Variants in DPYSL2 observed in about 807,000 individuals in gnomAD.
DPYSL2 encodes dihydropyrimidinase-related protein 2.
Under a neutral mutation model 69.9 loss-of-function variants are expected in DPYSL2, and 13 were observed. That is an observed-to-expected ratio of 0.19 (90% CI 0.12 to 0.30). The LOEUF (loss-of-function observed/expected upper bound fraction) is 0.30. DPYSL2 is among the 10% of genes least tolerant of loss of function. The probability of loss-of-function intolerance (pLI) is 1.00; values close to 1 mark genes in which losing one functional copy is unlikely to be tolerated. For missense variants in DPYSL2, 587 were observed against 918.9 expected (o/e 0.64, Z 4.67); for synonymous variants, 326 against 359.1 (o/e 0.91, Z 1.04).
chr8:26,594,271 C>T (rs1801809108), intron 3 of DPYSL2, among the ~76,000 whole-genome samples: 1 of 152,104 alleles, frequency 6.6e-6, no homozygotes, highest in Non-Finnish European at 1.5e-5. Flanking sequence ...ACCTTTGGAA[C>T]AAGTGTGAAA....
At chr8:26,515,200 A>G (rs1808258733) in intron 1 of DPYSL2, among the ~76,000 whole-genome samples, 2 of 152,220 alleles carry the variant, frequency 1.3e-5, no homozygotes, top group South Asian at 4.1e-4. Flanking sequence ...CTCCGAGGCC[A>G]GGACCATGGT....
rs1438916175 is a variant in DPYSL2 at position 26,632,506 on chromosome 8, TC to T, written c.1006-2271del. ...ACAGATGTCCTGACACTGCTCTGTGTCCCTGGACAGGTCATTTCCCTTTCTG... is the reference window on the plus strand; with the variant it reads ...ACAGATGTCCTGACACTGCTCTGTGTCCTGGACAGGTCATTTCCCTTTCTG... On this transcript the variant is annotated intron_variant, in intron 7 of 13. Coordinates refer to ENST00000521913, the MANE Select transcript of DPYSL2 (RefSeq NM_001197293.3). Among the ~76,000 whole-genome samples, 14 of 152,302 alleles carry T rather than the reference TC, an allele frequency of 9.2e-5. 1 individual carries two copies. In the South Asian group the frequency reaches 1.9e-3, roughly 20 times the overall value.
rs1290435318 is a variant in DPYSL2, at chr8:26,621,940, GA to G, written c.629-2200del. ...AATAAGGGGAATGGCAGTGTTTGAT[GA>G]AAGGTTTAAGATCCTTCTAGCTGCT... On this transcript the variant is annotated intron_variant, in intron 3 of 13. Transcript: ENST00000521913. The surrounding 1 kb of genome is among the most constrained non-coding windows in gnomAD (Gnocchi z 4.9). Among the ~76,000 whole-genome samples, 3 of 152,258 alleles carry G rather than the reference GA, an allele frequency of 2.0e-5. No individual in the cohort carries two copies. Among genetic ancestry groups the G allele is most frequent in the Non-Finnish European group, 4.4e-5 (3 of 68,044 alleles).
chr8:26,564,392 C>T lies in DPYSL2; in HGVS notation c.355-17577C>T, dbSNP rs577634489. On this transcript the variant is annotated intron_variant, in intron 1 of 13. Transcript: ENST00000521913. This position sits in a 1 kb window ranked among gnomAD's most constrained non-coding sequence, Gnocchi z 4.8. Reference sequence around the variant, plus strand: ...GATGGGAACGGCTGGAGGAGTTTTCCAAGCTCAAGGGACTGAGAGGTGGAG... The same window carrying T: ...GATGGGAACGGCTGGAGGAGTTTTCTAAGCTCAAGGGACTGAGAGGTGGAG... 1.3e-5 allele frequency among the ~76,000 whole-genome samples: 2 copies of T among 152,164 alleles called. No individual in the cohort carries two copies. The highest frequency in any genetic ancestry group is 3.9e-4 in the East Asian group (2 of 5,178).
At chr8:26,570,741 GAAA>G (rs572040580) in intron 1 of DPYSL2, among the ~76,000 whole-genome samples, 1 of 108,302 alleles carries the variant, frequency 9.2e-6, no homozygotes, top group African/African-American at 3.4e-5. Context: ...CTTAGAAAAG[GAAA>G]AAAAAAAAAA....
rs1585549777 is a variant in DPYSL2 at position 26,617,685 on chromosome 8, C to G, written c.629-6458C>G. On this transcript the variant is annotated intron_variant, in intron 3 of 13. Transcript: ENST00000521913. This position sits in a 1 kb window ranked among gnomAD's most constrained non-coding sequence, Gnocchi z 4.7. ...GCAGGAGGGGAAGGAAGCACTGATT[C>G]TCGCTGCAGCATGGATGAACCTTGA... Among the ~76,000 whole-genome samples the G allele has an allele frequency of 6.6e-6, 1 of 152,150 alleles. No individual in the cohort carries two copies. Among genetic ancestry groups the G allele is most frequent in the South Asian group, 2.1e-4 (1 of 4,824 alleles).
chr8:26,514,260 G>A lies in DPYSL2; in HGVS notation c.-66G>A. On this transcript the variant is annotated 5_prime_UTR_variant, in exon 1 of 14. Coordinates refer to ENST00000521913, the MANE Select transcript of DPYSL2 (RefSeq NM_001197293.3). The surrounding 1 kb of genome is among the most constrained non-coding windows in gnomAD (Gnocchi z 8.4). The stretch of plus-strand genomic sequence containing the variant: ...CAGCTAGGGGGCTTGTGCACACAGC[G>A]AGGGAGACTTAGGGACTGGCAGACG... The A allele has an allele frequency of 1.5e-6, 2 of 1,351,004 alleles. No homozygotes were observed. Among genetic ancestry groups the A allele is most frequent in the African/African-American group, 1.5e-5 (1 of 65,992 alleles). 83.7% of individuals were successfully genotyped at this position (1,351,004 alleles called of 1,614,324 possible). A position where few individuals can be genotyped will look rare whatever the true frequency, so the allele number is the denominator to read the frequency against.
At chr8:26,529,273 T>TATCA (rs1554531949) in intron 1 of DPYSL2, among the ~76,000 whole-genome samples, 1 of 131,044 alleles carries the variant, frequency 7.6e-6, no homozygotes, top group South Asian at 2.4e-4. Flanking sequence ...TCTATCTATC[T>TATCA]ATCATCTATC....
At chr8:26,639,825 C>T (rs184036499) in intron 8 of DPYSL2, among the ~76,000 whole-genome samples, 1 of 152,148 alleles carries the variant, frequency 6.6e-6, no homozygotes, top group Admixed American at 6.5e-5. Flanking sequence ...TACTACTGGA[C>T]GTAGAATCAT....
chr8:26,655,501 A>G (rs1803364805), intron 13 of DPYSL2, 114 bp from the exon 14 acceptor site: 2 of 966,220 alleles, frequency 2.1e-6, no homozygotes, highest in African/African-American at 3.3e-5. Context: ...GTCTCCAAAA[A>G]AAAAGAATGC....
In DPYSL2 at chr8:26,609,241, T is replaced by C. The variant is rs2129845636; in HGVS notation, c.629-14902T>C. On this transcript the variant is annotated intron_variant, in intron 3 of 13. Coordinates refer to ENST00000521913, the MANE Select transcript of DPYSL2 (RefSeq NM_001197293.3). The surrounding 1 kb of genome is among the most constrained non-coding windows in gnomAD (Gnocchi z 6.5). Reference sequence around the variant, plus strand: ...CAGAAGGATTTTTGTAATCAAATCATGGGGTTTGTGTGTAGAACTCAGTAA... The same window carrying C: ...CAGAAGGATTTTTGTAATCAAATCACGGGGTTTGTGTGTAGAACTCAGTAA... Among the ~76,000 whole-genome samples, 1 of 152,340 alleles carries C rather than the reference T, an allele frequency of 6.6e-6. No homozygotes were observed. Among genetic ancestry groups the C allele is most frequent in the Middle Eastern group, 3.4e-3 (1 of 294 alleles).
intron 1 of DPYSL2, among the ~76,000 whole-genome samples, chr8:26,536,434 G>T (rs917832033): frequency 1.3e-5 from 2 of 151,992 alleles, no homozygotes; most frequent in Admixed American, 1.3e-4. Context: ...ACTTTGGGAG[G>T]CTGAGGCGGT....
rs1803123366 is a variant in DPYSL2 at position 26,644,664 on chromosome 8, G to GCTTTAGATGTGACT, written c.1425+576_1425+589dup. ...ACAGTAAAGACTGAAAACCTACACAGCTTTAGATGTGACTCTGGGTCAGTC... is the reference window on the plus strand; with the variant it reads ...ACAGTAAAGACTGAAAACCTACACAGCTTTAGATGTGACTCTTTAGATGTGACTCTGGGTCAGTC... On this transcript the variant is annotated intron_variant, in intron 10 of 13. Transcript: ENST00000521913. The surrounding 1 kb of genome is among the most constrained non-coding windows in gnomAD (Gnocchi z 4.5). Among the ~76,000 whole-genome samples, 1 of 152,072 alleles carries GCTTTAGATGTGACT rather than the reference G, an allele frequency of 6.6e-6. No homozygotes were observed. The highest frequency in any genetic ancestry group is 1.5e-5 in the Non-Finnish European group (1 of 68,024).
intron 1 of DPYSL2, among the ~76,000 whole-genome samples, chr8:26,532,644 T>G (rs1263303168): frequency 6.6e-6 from 1 of 152,242 alleles, no homozygotes; most frequent in Non-Finnish European, 1.5e-5. Context: ...TGTGACTGGC[T>G]TCTTTCTCTC....
intron 1 of DPYSL2, among the ~76,000 whole-genome samples, chr8:26,520,129 G>A (rs1190608518): frequency 2.6e-5 from 4 of 152,106 alleles, no homozygotes; most frequent in Non-Finnish European, 5.9e-5. Context: ...TTCCCCTTTT[G>A]CTTGGTTCTC....
At chr8:26,607,231 T>A (rs1426619825) in intron 3 of DPYSL2, among the ~76,000 whole-genome samples, 1 of 152,190 alleles carries the variant, frequency 6.6e-6, no homozygotes, top group Non-Finnish European at 1.5e-5. Flanking sequence ...ACGCCTGTTA[T>A]CCCAGCACTT....
intron 1 of DPYSL2, among the ~76,000 whole-genome samples, chr8:26,542,488 C>T (rs1363266911): frequency 1.3e-5 from 2 of 151,780 alleles, no homozygotes; most frequent in African/African-American, 4.8e-5. Context: ...GTGGCATGAT[C>T]ATAGGTCACT....
At chr8:26,590,897 G>T (rs1423241549) in intron 3 of DPYSL2, among the ~76,000 whole-genome samples, 1 of 152,246 alleles carries the variant, frequency 6.6e-6, no homozygotes, top group African/African-American at 2.4e-5. Context: ...GGCTAGCCAG[G>T]TAGGCTGGGT....
intron 3 of DPYSL2, among the ~76,000 whole-genome samples, chr8:26,622,128 T>C (rs1802498664): frequency 1.9e-5 from 1 of 52,380 alleles, no homozygotes; most frequent in Admixed American, 1.8e-4. Context: ...CTTCCTTCCT[T>C]CCTTCCTTCC....
Sources: allele counts gnomAD v4.1 joint callset (sites outside exome capture counted in the v4.1 genomes callset), GRCh38; gene constraint gnomAD v4.1.1; non-coding constraint Gnocchi (gnomAD v3.1); transcripts MANE v1.5; gene names NCBI Gene and HGNC (gene_info 2026-07-23, HGNC 2026-07-21).